DPP10: variants seen among roughly 807,000 people sequenced by gnomAD.
The protein encoded by DPP10 is inactive dipeptidyl peptidase 10.
In DPP10, 33 loss-of-function variants were observed where a neutral mutation model predicts 120.9. The observed-to-expected ratio is 0.27, with a 90% CI of 0.21 to 0.37. DPP10 has a LOEUF of 0.37. DPP10 is among the 10% of genes least tolerant of loss of function. DPP10 has a pLI of 1.00. For missense variants in DPP10, 816 were observed against 942.8 expected, an observed-to-expected ratio of 0.87 and a Z score of 1.76; for synonymous variants, 337 against 326.1, an observed-to-expected ratio of 1.03 and a Z score of -0.36.
chr2:115,532,777 A>G (rs2078548783), intron 5 of DPP10, among the ~76,000 whole-genome samples: 2 of 151,964 alleles, frequency 1.3e-5, no homozygotes, highest in African/African-American at 4.8e-5. Flanking sequence ...TTTGTGGTTA[A>G]TATTTGTCAT....
At chr2:114,844,750 A>G (rs1688416315) in intron 1 of DPP10, among the ~76,000 whole-genome samples, 1 of 151,792 alleles carries the variant, frequency 6.6e-6, no homozygotes, top group Admixed American at 6.6e-5. Flanking sequence ...CTATCAACTT[A>G]TATATTTATA....
chr2:115,644,617 GA>G lies in DPP10; in HGVS notation c.442-45056del, dbSNP rs374225458. Among the ~76,000 whole-genome samples the G allele has an allele frequency of 1.9e-3, 261 of 138,036 alleles. 1 individual carries two copies. The highest frequency in any genetic ancestry group is 0.016 in the East Asian group (73 of 4,698). The allele number at this position is 138,036 out of a possible 152,430, so 90.6% of individuals were successfully genotyped here. A position where few individuals can be genotyped will look rare whatever the true frequency, so the allele number is the denominator to read the frequency against. On this transcript the variant is annotated intron_variant, in intron 5 of 25. Transcript: ENST00000410059. ...GACACTCCGTCTCTATAAGGTATTT[GA>G]AAAAAAAAAAAAATAGCTAGGCATG...
intron 1 of DPP10, among the ~76,000 whole-genome samples, chr2:114,633,028 T>C (rs1037066954): frequency 6.6e-6 from 1 of 151,960 alleles, no homozygotes; most frequent in Non-Finnish European, 1.5e-5. Flanking sequence ...CATATAGCTC[T>C]GGTTCTTTTC....
At chr2:114,834,517 A>C (rs1687472361) in intron 1 of DPP10, among the ~76,000 whole-genome samples, 1 of 150,918 alleles carries the variant, frequency 6.6e-6, no homozygotes, top group African/African-American at 2.5e-5. Flanking sequence ...ATGTATATAT[A>C]AGACATATCT....
chr2:114,863,564 G>T (rs60894360), intron 1 of DPP10, among the ~76,000 whole-genome samples: 3,786 of 152,140 alleles, frequency 0.025, 148 homozygotes, highest in African/African-American at 0.082. Flanking sequence ...AACAATGATT[G>T]GTCTCAGATC....
chr2:115,506,563 T>A (rs1022996059), intron 4 of DPP10, among the ~76,000 whole-genome samples: 1 of 152,104 alleles, frequency 6.6e-6, no homozygotes, highest in East Asian at 1.9e-4. Context: ...AAATAAATAA[T>A]GATCCTTTAG....
At chr2:114,930,176 T>C (rs1695962966) in intron 1 of DPP10, among the ~76,000 whole-genome samples, 1 of 152,238 alleles carries the variant, frequency 6.6e-6, no homozygotes, top group South Asian at 2.1e-4. Context: ...CCTGACTCCC[T>C]TTAGTCACGT....
chr2:115,046,204 T>C (rs969674253), intron 1 of DPP10, among the ~76,000 whole-genome samples: 1 of 152,210 alleles, frequency 6.6e-6, no homozygotes, highest in Non-Finnish European at 1.5e-5. Context: ...TGTAAAATTA[T>C]CATTTCAACA....
chr2:115,468,940 CTGTT>C, intron 3 of DPP10: 1 of 285,334 alleles, frequency 3.5e-6, no homozygotes, highest in South Asian at 3.6e-5. Flanking sequence ...TGGTCTTAAG[CTGTT>C]CTTTCATAGA....
chr2:115,304,534 T>A (rs755306085), intron 1 of DPP10, among the ~76,000 whole-genome samples: 6 of 152,084 alleles, frequency 3.9e-5, no homozygotes, highest in Non-Finnish European at 8.8e-5. Flanking sequence ...AGATGTATAA[T>A]TTCAATATCT....
intron 1 of DPP10, among the ~76,000 whole-genome samples, chr2:114,574,400 G>A (rs79984814): frequency 0.013 from 1,946 of 152,244 alleles, 39 homozygotes; most frequent in African/African-American, 0.045. Flanking sequence ...CTAAAGACCC[G>A]TCATTATGAA....
chr2:114,892,314 C>G (rs919135346), intron 1 of DPP10, among the ~76,000 whole-genome samples: 1 of 152,164 alleles, frequency 6.6e-6, no homozygotes, highest in African/African-American at 2.4e-5. Context: ...TCTGCTACCC[C>G]TCCTCCTGGG....
chr2:115,321,221 A>C (rs550131705), intron 2 of DPP10, among the ~76,000 whole-genome samples: 8 of 152,276 alleles, frequency 5.3e-5, no homozygotes, highest in African/African-American at 9.6e-5. Context: ...GAATCACTTG[A>C]ACCCAGGAGG....
intron 19 of DPP10, among the ~76,000 whole-genome samples, chr2:115,798,201 T>C (rs1366508199): frequency 6.6e-6 from 1 of 151,964 alleles, no homozygotes; most frequent in Non-Finnish European, 1.5e-5. Context: ...TTTACAAAGT[T>C]CTTAGTTTTA....
At chr2:114,629,103 C>A (rs17715987) in intron 1 of DPP10, among the ~76,000 whole-genome samples, 2 of 152,072 alleles carry the variant, frequency 1.3e-5, no homozygotes, top group Non-Finnish European at 2.9e-5. Flanking sequence ...GTTTGGAATG[C>A]GCAGCCAAAT....
At chr2:114,964,786 G>A (rs1337873424) in intron 1 of DPP10, among the ~76,000 whole-genome samples, 1 of 152,288 alleles carries the variant, frequency 6.6e-6, no homozygotes, top group East Asian at 1.9e-4. Flanking sequence ...GGGAGAAACA[G>A]GACATAGCTA....
Position 114,710,697 on chromosome 2 carries a change from A to G in DPP10, c.60+267859A>G, listed in dbSNP as rs1700970942. Among the ~76,000 whole-genome samples the G allele has an allele frequency of 2.6e-5, 4 of 152,200 alleles. No individual in the cohort carries two copies. In the South Asian group the frequency reaches 8.3e-4, roughly 31 times the overall value. ...GAGACGGAGGTTGCAGACAGTTGAG[A>G]TCATGACACTGCACTCCAGCCTGGG... On this transcript the variant is annotated intron_variant, in intron 1 of 25. Coordinates refer to ENST00000410059, the MANE Select transcript of DPP10 (RefSeq NM_020868.6).
chr2:115,006,217 GCA>G (rs1701829195), intron 1 of DPP10, among the ~76,000 whole-genome samples: 1 of 151,958 alleles, frequency 6.6e-6, no homozygotes, highest in African/African-American at 2.4e-5. Flanking sequence ...CCTGAAGGAA[GCA>G]TTAAACATGG....
At chr2:114,480,624 A>C (rs570279029) in intron 1 of DPP10, among the ~76,000 whole-genome samples, 51 of 148,412 alleles carry the variant, frequency 3.4e-4, no homozygotes, top group African/African-American at 1.2e-3. Context: ...ACCAAACACC[A>C]CATGTTCTCA....
Sources: gnomAD v4.1 joint callset for allele counts (sites outside exome capture counted in the v4.1 genomes callset) on GRCh38, gnomAD v4.1.1 for gene constraint, MANE v1.5 for transcripts, NCBI Gene and HGNC (gene_info 2026-07-23, HGNC 2026-07-21) for gene names.